Variants in PMS2 observed in about 807,000 individuals in gnomAD.
The protein encoded by PMS2 is mismatch repair endonuclease PMS2.
A neutral mutation model predicts 90.0 loss-of-function variants in PMS2; 69 were observed. The ratio of observed to expected loss-of-function variants is 0.77; its 90% CI spans 0.63 to 0.94. The LOEUF (loss-of-function observed/expected upper bound fraction) is 0.94, where lower values mean the gene tolerates loss of function less well. Ranked by LOEUF, PMS2 falls within the 40% of genes least tolerant of loss-of-function variation. PMS2 has a pLI of 0.00. For synonymous variants in PMS2, 332 were observed against 375.1 expected (o/e 0.89, Z 1.33); for missense variants, 966 against 1,040.2 (o/e 0.93, Z 0.98).
At chr7:5,994,425 T>A (rs1022839932) in intron 8 of PMS2, among the ~76,000 whole-genome samples, 4 of 151,486 alleles carry the variant, frequency 2.6e-5, no homozygotes, top group African/African-American at 9.7e-5. Flanking sequence ...TGTACACAGA[T>A]AGATGCGCTC....
At chr7:5,993,454 A>G (rs1158799079) in intron 8 of PMS2, among the ~76,000 whole-genome samples, 2 of 151,440 alleles carry the variant, frequency 1.3e-5, no homozygotes, top group Non-Finnish European at 2.9e-5. Context: ...ACAAACTCAA[A>G]AAACCCATGT....
rs189814042 is a variant in PMS2, at chr7:5,991,667, G to A, written c.988+306C>T. Reference sequence around the variant, plus strand: ...ATCCTGGCTAACACGGTGAAACCCTGTCTCTACTAAAAATACAAAAAATTA... The same window carrying A: ...ATCCTGGCTAACACGGTGAAACCCTATCTCTACTAAAAATACAAAAAATTA... On this transcript the variant is annotated intron_variant, in intron 9 of 14. Coordinates refer to ENST00000265849, the MANE Select transcript of PMS2 (RefSeq NM_000535.7). 3.5e-3 allele frequency among the ~76,000 whole-genome samples: 536 copies of A among 151,864 alleles called. 2 individuals are homozygous for A. Among genetic ancestry groups the A allele is most frequent in the African/African-American group, 0.013 (519 of 41,442 alleles).
At chr7:5,992,106 GC>G (rs773119766) in intron 8 of PMS2, 49 bp from the exon 9 acceptor site, 3 of 958,720 alleles carry the variant, frequency 3.1e-6, no homozygotes, top group Non-Finnish European at 3.4e-6. Context: ...AATGTTCCCA[GC>G]CCCCCGCATT....
intron 1 of PMS2, among the ~76,000 whole-genome samples, chr7:6,006,394 G>A (rs1430049960): frequency 6.6e-6 from 1 of 152,150 alleles, no homozygotes; most frequent in Non-Finnish European, 1.5e-5. Context: ...GCTCATGCCT[G>A]TAATCCCAGC....
chr7:5,982,995 C>T lies in PMS2; in HGVS notation c.2007-4G>A, dbSNP rs1805326. 0.14 allele frequency: 206,208 copies of T among 1,449,408 alleles called. 14,424 individuals are homozygous for T. The highest frequency in any genetic ancestry group is 0.3 in the East Asian group (12,440 of 41,052). The allele number at this position is 1,449,408 out of a possible 1,614,324, so 89.8% of individuals were successfully genotyped here. A position where few individuals can be genotyped will look rare whatever the true frequency, so the allele number is the denominator to read the frequency against. On this transcript the variant is annotated splice_polypyrimidine_tract_variant and splice_region_variant and intron_variant, in intron 11 of 14. Transcript: ENST00000265849. ...CATTTCTGCAAACATCGTTTTACTG[C>T]AGGTAGAAAATGTTAATTATCAGAC...
At chr7:5,978,363 C>T (rs1339690087) in intron 13 of PMS2, among the ~76,000 whole-genome samples, 2 of 148,088 alleles carry the variant, frequency 1.4e-5, no homozygotes, top group South Asian at 2.2e-4. Flanking sequence ...CTCCACCTCC[C>T]GGGTTCAAGC....
rs553771005 is a variant in PMS2 at position 6,004,889 on chromosome 7, G to T, written c.164-831C>A. 2.5e-3 allele frequency among the ~76,000 whole-genome samples: 381 copies of T among 151,782 alleles called. 4 individuals are homozygous for T. Among genetic ancestry groups the T allele is most frequent in the African/African-American group, 8.7e-3 (362 of 41,418 alleles). On this transcript the variant is annotated intron_variant, in intron 2 of 14. Coordinates refer to ENST00000265849, the MANE Select transcript of PMS2 (RefSeq NM_000535.7). ...TATTCTGCAGATTAATAATTCTTTGGTTTTTTTTATTTTATTATTCTTTTC... is the reference window on the plus strand; with the variant it reads ...TATTCTGCAGATTAATAATTCTTTGTTTTTTTTTATTTTATTATTCTTTTC...
chr7:6,002,389 T>C (rs2128814785), intron 5 of PMS2, 64 bp downstream of exon 5: 1 of 997,164 alleles, frequency 1.0e-6, no homozygotes, highest in Non-Finnish European at 1.6e-6. Flanking sequence ...TAAACATCTT[T>C]AGTAAATCTT....
Position 6,003,721 on chromosome 7 carries a change from C to G in PMS2, c.322G>C (p.Gly108Arg), listed in dbSNP as rs750866397. 8.1e-6 allele frequency: 13 copies of G among 1,597,648 alleles called. No homozygotes were observed. The highest frequency in any genetic ancestry group is 1.3e-5 in the African/African-American group (1 of 74,828). The change falls in exon 4 of 15, where the codon GGG becomes CGG. Residue 108 changes from glycine to arginine, a missense_variant. Coordinates refer to ENST00000265849, the MANE Select transcript of PMS2 (RefSeq NM_000535.7). ...GCACAAAGTGAGCTCAGAGCTTCCC[C>G]CCGAAAGCCAAAAGTTTCAACCTGA... ...LTQVETFGFR[G>R]EALSSLCALS...
intron 6 of PMS2, among the ~76,000 whole-genome samples, chr7:5,998,184 C>T (rs769559495): frequency 4.0e-5 from 6 of 150,786 alleles, no homozygotes; most frequent in South Asian, 2.1e-4. Context: ...CGGGTTCCAG[C>T]GACTCTCCTG....
At chr7:5,995,996 A>C (rs1218930741) in intron 7 of PMS2, among the ~76,000 whole-genome samples, 2 of 152,072 alleles carry the variant, frequency 1.3e-5, no homozygotes, top group African/African-American at 4.8e-5. Context: ...TTTGTCAATG[A>C]AGTCTAACCA....
At position 5,989,932 on chromosome 7, in the gene PMS2, G is replaced by C. The variant is rs876660508; in HGVS notation, c.1012C>G (p.Pro338Ala). The C allele has an allele frequency of 4.4e-6, 7 of 1,608,924 alleles. No homozygotes were observed. Among genetic ancestry groups the C allele is most frequent in the Non-Finnish European group, 6.0e-6 (7 of 1,176,280 alleles). ...TGTAGCAAAATTTGCCTTTTATCTG[G>C]AGTAACATTGATATCAACGCATTCT... is the stretch of plus-strand genomic sequence containing the variant. ...DSECVDINVT[P>A]DKRQILLQEE... The change falls in exon 10 of 15, where the codon CCA becomes GCA. Residue 338 changes from proline to alanine, a missense_variant. This residue lies in a region of PMS2 where 871 missense variants were observed against 802.4 expected (regional missense o/e 1.09). Transcript: ENST00000265849.
chr7:6,003,796 A>T lies in PMS2; in HGVS notation c.251-4T>A, dbSNP rs1188835710. 1 of 1,584,300 alleles carries T rather than the reference A, an allele frequency of 6.3e-7. No homozygotes were observed. Among genetic ancestry groups the T allele is most frequent in the Non-Finnish European group, 8.6e-7 (1 of 1,156,722 alleles). On this transcript the variant is annotated splice_region_variant and splice_polypyrimidine_tract_variant and intron_variant, in intron 3 of 14. Coordinates refer to ENST00000265849, the MANE Select transcript of PMS2 (RefSeq NM_000535.7). ...TTAGATGTGTGATGTTTCAGAGCTG[A>T]AAGAGAGTGTAAAGTAAGGACTAAG...
At chr7:6,004,363 A>C (rs905383160) in intron 2 of PMS2, 3 of 260,148 alleles carry the variant, frequency 1.2e-5, no homozygotes, top group African/African-American at 6.9e-5. Context: ...TTAGCTGTAA[A>C]CCGCGTTGCA....
intron 8 of PMS2, among the ~76,000 whole-genome samples, chr7:5,993,370 CAAAAAAAAA>C (rs141290969): frequency 1.6e-4 from 12 of 72,976 alleles, no homozygotes; most frequent in African/African-American, 6.7e-4. Flanking sequence ...GACTCCGTCT[CAAAAAAAAA>C]AAAAAAAAAA....
chr7:6,002,178 T>G, intron 5 of PMS2: 1 of 369,724 alleles, frequency 2.7e-6, no homozygotes, highest in East Asian at 6.5e-5. Flanking sequence ...TACAGGTACA[T>G]GTCACCATGC....
intron 8 of PMS2, among the ~76,000 whole-genome samples, chr7:5,992,568 C>T (rs1783889516): frequency 6.6e-6 from 1 of 152,152 alleles, no homozygotes. Flanking sequence ...GATCCGCCCG[C>T]CTCAACCTCC....
chr7:5,992,216 G>A (rs1783839055), intron 8 of PMS2, among the ~76,000 whole-genome samples, 159 bp from the exon 9 acceptor site: 1 of 150,204 alleles, frequency 6.7e-6, no homozygotes, highest in Admixed American at 6.7e-5. Context: ...GTCACAGCCT[G>A]GAGTGCAGTG....
chr7:5,995,538 G>T lies in PMS2; in HGVS notation c.899C>A (p.Ala300Glu), dbSNP rs1554300702. 6.2e-7 allele frequency: 1 copy of T among 1,609,938 alleles called. No individual in the cohort carries two copies. Among genetic ancestry groups the T allele is most frequent in the South Asian group, 1.1e-5 (1 of 90,996 alleles). The change falls in exon 8 of 15, where the codon GCA (alanine) becomes GAA (glutamate). Residue 300 changes from alanine to glutamate, a missense_variant. Ala to Glu is a moderately radical substitution (Grantham distance 107). Coordinates refer to ENST00000265849, the MANE Select transcript of PMS2 (RefSeq NM_000535.7). The part of the protein sequence containing the change: ...FFINRRPCDP[A>E]KVCRLVNEVY... ...ACACAAAAAAATTTTAAATACCTTT[G>T]CTGGGTCACAAGGCCGCCGGTTGAT...
Sources: gnomAD v4.1 joint callset for allele counts (sites outside exome capture counted in the v4.1 genomes callset) on GRCh38, gnomAD v4.1.1 for gene constraint, gnomAD v4.1.1 regional missense constraint, MANE v1.5 for transcripts, NCBI Gene and HGNC (gene_info 2026-07-23, HGNC 2026-07-21) for gene names.